HMOX1: variants seen among roughly 807,000 people sequenced by gnomAD.
HMOX1 encodes heme oxygenase 1, also known as heat shock protein, 32-kD.
In HMOX1, 22 loss-of-function variants were observed where a neutral mutation model predicts 27.8. That is an observed-to-expected ratio of 0.79 (90% CI 0.57 to 1.13). The LOEUF (loss-of-function observed/expected upper bound fraction) is 1.13. Among genes scored for constraint, HMOX1 ranks in the 50% most tolerant of loss-of-function variants. The pLI is 0.00. For synonymous variants in HMOX1, 153 were observed against 151.6 expected (o/e 1.01, Z -0.07); for missense variants, 379 against 377.7 (o/e 1.00, Z -0.03).
intron 1 of HMOX1, among the ~76,000 whole-genome samples, chr22:35,382,057 G>A (rs1387301165): frequency 6.6e-6 from 1 of 152,184 alleles, no homozygotes; most frequent in African/African-American, 2.4e-5. Context: ...AGGGGGTCAT[G>A]AGATTTGCAT....
chr22:35,391,903 G>A (rs1283484768), intron 4 of HMOX1, among the ~76,000 whole-genome samples: 3 of 151,864 alleles, frequency 2.0e-5, no homozygotes, highest in Non-Finnish European at 4.4e-5. Flanking sequence ...CATGGAATGT[G>A]TGCCTGTATG....
rs1222661324 is a variant in HMOX1, at chr22:35,393,802, C to A, written c.*204C>A. On this transcript the variant is annotated 3_prime_UTR_variant, in exon 5 of 5. Coordinates refer to ENST00000216117, the MANE Select transcript of HMOX1 (RefSeq NM_002133.3). ...AACGAAAAGCACATCCAGGCAATGG[C>A]CTAAACTTCAGAGGGGGCGAAGGGA... 32 of 645,126 alleles carry A rather than the reference C, an allele frequency of 5.0e-5. No homozygotes were observed. Among genetic ancestry groups the A allele is most frequent in the South Asian group, 3.2e-4 (20 of 61,690 alleles). The allele number at this position is 645,126 out of a possible 1,614,324, so 40.0% of individuals were successfully genotyped here.
intron 4 of HMOX1, among the ~76,000 whole-genome samples, chr22:35,391,585 C>CATTTTTTTTTTTTTTTTTTT (rs372077518): frequency 2.7e-5 from 3 of 112,464 alleles, no homozygotes; most frequent in African/African-American, 4.3e-5. Context: ...CCGCGCCCGG[C>CATTTTTTTTTTTTTTTTTTT]CTTTTTTTTT....
intron 1 of HMOX1, 36 bp downstream of exon 1, chr22:35,381,232 T>C: frequency 6.5e-7 from 1 of 1,539,070 alleles, no homozygotes; most frequent in Non-Finnish European, 8.7e-7. Flanking sequence ...ACGGGCGCCT[T>C]TCTCTCCCAA....
At chr22:35,382,325 G>GT (rs1931403280) in intron 1 of HMOX1, among the ~76,000 whole-genome samples, 1 of 150,620 alleles carries the variant, frequency 6.6e-6, no homozygotes, top group African/African-American at 2.4e-5. Flanking sequence ...TTTGTTTTTT[G>GT]TTTTTTGTTT....
At chr22:35,389,800 A>T in intron 3 of HMOX1, 64 bp from the exon 4 acceptor site, 1 of 1,119,252 alleles carries the variant, frequency 8.9e-7, no homozygotes, top group East Asian at 2.5e-5. Flanking sequence ...TTAAGGTCCT[A>T]CCTTCAGCTG....
intron 4 of HMOX1, 182 bp downstream of exon 4, chr22:35,390,145 T>C (rs901162374): frequency 3.9e-5 from 25 of 640,118 alleles, no homozygotes; most frequent in Non-Finnish European, 6.2e-5. Flanking sequence ...AGGCCAGTCT[T>C]GAACACCTGA....
intron 3 of HMOX1, 125 bp from the exon 4 acceptor site, chr22:35,389,739 C>A: frequency 1.3e-6 from 1 of 755,834 alleles, no homozygotes; most frequent in Non-Finnish European, 2.3e-6. Context: ...CCGTGTCCGG[C>A]CAATATTTTT....
chr22:35,393,693 G>T lies in HMOX1; in HGVS notation c.*95G>T, dbSNP rs1206028066. 1.3e-6 allele frequency: 2 copies of T among 1,490,262 alleles called. No individual in the cohort carries two copies. The highest frequency in any genetic ancestry group is 2.3e-5 in the South Asian group (2 of 88,008). The allele number at this position is 1,490,262 out of a possible 1,614,324, so 92.3% of individuals were successfully genotyped here. On this transcript the variant is annotated 3_prime_UTR_variant, in exon 5 of 5. Transcript: ENST00000216117. ...TCTCTTGGCTGGCTTCCTTACCGTGGGCACTGAAGGCTTTCAGGGCCTCCA... is the reference window on the plus strand; with the variant it reads ...TCTCTTGGCTGGCTTCCTTACCGTGTGCACTGAAGGCTTTCAGGGCCTCCA...
At chr22:35,385,087 C>A (rs1931471935) in intron 2 of HMOX1, among the ~76,000 whole-genome samples, 1 of 152,048 alleles carries the variant, frequency 6.6e-6, no homozygotes, top group Non-Finnish European at 1.5e-5. Context: ...TTTAAACGGG[C>A]GTATTAATGT....
At chr22:35,391,462 T>C (rs1931717395) in intron 4 of HMOX1, among the ~76,000 whole-genome samples, 2 of 151,780 alleles carry the variant, frequency 1.3e-5, no homozygotes. Context: ...TAATTTTTTG[T>C]ATTTTTAGTA....
At chr22:35,389,254 C>CTCTCTCTCTCTCTCTTTCTTT (rs1931602214) in intron 3 of HMOX1, among the ~76,000 whole-genome samples, 1 of 65,972 alleles carries the variant, frequency 1.5e-5, no homozygotes, top group African/African-American at 9.1e-5. Context: ...TTTCTTTTCT[C>CTCTCTCTCTCTCTCTTTCTTT]TCTCTCTCTC....
chr22:35,387,207 G>A, intron 3 of HMOX1, 31 bp downstream of exon 3: 1 of 1,612,762 alleles, frequency 6.2e-7, no homozygotes, highest in Non-Finnish European at 8.5e-7. Context: ...GGCAGCCTCT[G>A]CCTCCCCCCG....
At chr22:35,393,235 G>A (rs1931767336) in intron 4 of HMOX1, among the ~76,000 whole-genome samples, 1 of 152,192 alleles carries the variant, frequency 6.6e-6, no homozygotes, top group African/African-American at 2.4e-5. Flanking sequence ...TTTTCACAAT[G>A]TGGCCTGGCT....
chr22:35,384,671 C>T (rs1017362701), intron 2 of HMOX1, among the ~76,000 whole-genome samples: 24 of 151,380 alleles, frequency 1.6e-4, no homozygotes, highest in Non-Finnish European at 3.1e-4. Context: ...GTGGACGTGG[C>T]ACTTATCACA....
chr22:35,387,639 T>A (rs929075348), intron 3 of HMOX1, among the ~76,000 whole-genome samples: 8 of 152,150 alleles, frequency 5.3e-5, no homozygotes, highest in Admixed American at 2.6e-4. Context: ...GCCAGAGAGG[T>A]TTACCTCTTT....
intron 2 of HMOX1, among the ~76,000 whole-genome samples, chr22:35,385,770 C>A (rs1466482468): frequency 1.3e-5 from 2 of 151,746 alleles, no homozygotes; most frequent in African/African-American, 4.8e-5. Flanking sequence ...TGCCTGCCAC[C>A]ATGCCTGGCC....
chr22:35,389,404 CTTT>C (rs1931642430), intron 3 of HMOX1, among the ~76,000 whole-genome samples: 1 of 88,960 alleles, frequency 1.1e-5, no homozygotes. Flanking sequence ...TCCTTTCTTT[CTTT>C]CTTTCTTTCT....
intron 2 of HMOX1, among the ~76,000 whole-genome samples, chr22:35,386,351 C>G (rs1931502423): frequency 6.6e-6 from 1 of 152,198 alleles, no homozygotes; most frequent in African/African-American, 2.4e-5. Context: ...AAGCAATCCT[C>G]CAGCCTTAGC....
Sources: allele counts gnomAD v4.1 joint callset (sites outside exome capture counted in the v4.1 genomes callset), GRCh38; gene constraint gnomAD v4.1.1; transcripts MANE v1.5; gene names NCBI Gene and HGNC (gene_info 2026-07-23, HGNC 2026-07-21).